The following SIGIRR variants were observed in gnomAD, a reference collection of about 807,000 sequenced individuals.
SIGIRR encodes the protein single Ig IL-1-related receptor.
A neutral mutation model predicts 45.6 loss-of-function variants in SIGIRR; 41 were observed. The ratio of observed to expected loss-of-function variants is 0.90; its 90% confidence interval spans 0.70 to 1.17. The LOEUF (loss-of-function observed/expected upper bound fraction) is 1.17, where lower values mean the gene tolerates loss of function less well. SIGIRR is among the 50% of genes most tolerant of loss of function. SIGIRR has a pLI of 0.00. For missense variants in SIGIRR, 599 were observed against 539.6 expected (o/e 1.11, Z -1.09); for synonymous variants, 298 against 239.0 (o/e 1.25, Z -2.28).
chr11:408,631 G>A (rs545668397), intron 3 of SIGIRR, 64 bp downstream of exon 3: 3 of 1,585,030 alleles, frequency 1.9e-6, no homozygotes, highest in Middle Eastern at 4.0e-4. Context: ...GCATAGGTCA[G>A]GGAGACCACT....
At position 407,414 on chromosome 11, in the gene SIGIRR, GC is replaced by G; in HGVS notation, c.625+10del. On this transcript the variant is annotated intron_variant, in intron 6 of 9. Transcript: ENST00000431843. Reference sequence around the variant, plus strand: ...CCGGGTGGGCGGGGCACGGGGTGGGGCCCGGGATACCAGCGCGCGGCAGGAG... The same window carrying G: ...CCGGGTGGGCGGGGCACGGGGTGGGGCCGGGATACCAGCGCGCGGCAGGAG... The G allele has an allele frequency of 6.5e-7, 1 of 1,535,804 alleles. No individual in the cohort carries two copies.
At position 412,728 on chromosome 11, in the gene SIGIRR, G is replaced by T. The variant is rs961628498; in HGVS notation, c.-154+2095C>A. Among the ~76,000 whole-genome samples the T allele has an allele frequency of 3.5e-5, 5 of 143,342 alleles. No individual in the cohort carries two copies. The South Asian group carries it at 9.2e-4, about 26-fold the overall frequency. 94.0% of individuals were successfully genotyped at this position (143,342 alleles called of 152,430 possible). On this transcript the variant is annotated intron_variant, in intron 1 of 9. Transcript: ENST00000431843. ...TCTAACCATGTCTGGATGCAGTCGA[G>T]GGGGGGTGCCCAGCTCTGGCCCACG...
chr11:405,720 A>C lies in SIGIRR; in HGVS notation c.*176T>G. ...GGGAGGAGACCGAGGCCCCAGCAGA[A>C]TCCAAAAGGACTTTATTTTCTGGCA... On this transcript the variant is annotated 3_prime_UTR_variant, in exon 10 of 10. Transcript: ENST00000431843. The C allele has an allele frequency of 4.2e-6, 3 of 711,282 alleles. No individual in the cohort carries two copies. In the South Asian group the frequency reaches 6.9e-5, roughly 16 times the overall value. 44.1% of individuals were successfully genotyped at this position (711,282 alleles called of 1,614,324 possible).
Position 406,969 on chromosome 11 carries a change from C to T in SIGIRR, c.753G>A (p.Glu251=). 6.2e-7 allele frequency: 1 copy of T among 1,601,144 alleles called. No homozygotes were observed. The highest frequency in any genetic ancestry group is 1.1e-5 in the South Asian group (1 of 90,324). ...TGATGAAGATGGGTCTGCGGGTGAG[C>T]TCCAGCAGCCGGCACAGGCCCTCCC... ...SFREGLCRLL[E]LTRRPIFITF... Residue 251 remains glutamate (E), a synonymous_variant, in exon 8 of 10, where the codon GAG becomes GAA. Coordinates refer to ENST00000431843, the MANE Select transcript of SIGIRR (RefSeq NM_001135054.2).
At chr11:415,262 C>T (rs1225424148), upstream of SIGIRR, among the ~76,000 whole-genome samples, 3 of 134,472 alleles carry the variant, frequency 2.2e-5, no homozygotes, top group Admixed American at 7.5e-5. This position sits in a 1 kb window ranked among gnomAD's most constrained non-coding sequence, Gnocchi z 6.6. Flanking sequence ...AGTGTGTCTG[C>T]GTGTGTGCAA....
In SIGIRR at chr11:405,953, C is replaced by T. The variant is rs745974362; in HGVS notation, c.1176G>A (p.Ser392=). 9.8e-5 allele frequency: 156 copies of T among 1,587,394 alleles called. No individual in the cohort carries two copies. Among genetic ancestry groups the T allele is most frequent in the Non-Finnish European group, 1.2e-4 (143 of 1,170,744 alleles). ...AGTCTGTGCGGGCACTGTAGTTTCG[C>T]GAGCCGAGATCCGAGACGTCCACTT... ...SSEVDVSDLG[S]RNYSARTDFY... The change falls in exon 10 of 10, where the codon TCG becomes TCA. Residue 392 remains serine (S), a synonymous_variant. Transcript: ENST00000431843.
chr11:406,775 C>A, intron 8 of SIGIRR, 68 bp downstream of exon 8: 1 of 1,450,838 alleles, frequency 6.9e-7, no homozygotes, highest in South Asian at 1.4e-5. Context: ...GGGTCCCAGC[C>A]TGGAGCCCGG....
At chr11:413,685 C>T (rs187235211) in intron 1 of SIGIRR, among the ~76,000 whole-genome samples, 2 of 148,468 alleles carry the variant, frequency 1.3e-5, no homozygotes, top group Admixed American at 1.3e-4. Context: ...CTCCCCTGCA[C>T]CCTCTCCCTG....
intron 3 of SIGIRR, 50 bp from the exon 4 acceptor site, chr11:408,256 C>T (rs957145156): frequency 1.3e-6 from 2 of 1,591,716 alleles, no homozygotes; most frequent in Non-Finnish European, 8.5e-7. Flanking sequence ...CCAGTGGACA[C>T]CCCCGAACCC....
At position 405,860 on chromosome 11, in the gene SIGIRR, C is replaced by G. The variant is rs1156858180; in HGVS notation, c.*36G>C. ...AGGAGCGACGCCGCTGCCCTGGCCC[C>G]CGCTGTCCCTATGATCCTGCACTCT... On this transcript the variant is annotated 3_prime_UTR_variant, in exon 10 of 10. Transcript: ENST00000431843. 5.1e-6 allele frequency: 8 copies of G among 1,555,838 alleles called. No individual in the cohort carries two copies. The highest frequency in any genetic ancestry group is 7.0e-6 in the Non-Finnish European group (8 of 1,145,838).
intron 9 of SIGIRR, 54 bp downstream of exon 9, chr11:406,295 A>G: frequency 6.3e-7 from 1 of 1,586,374 alleles, no homozygotes; most frequent in Non-Finnish European, 8.6e-7. Context: ...GCCTGCCCCC[A>G]CTCCGCCCTG....
chr11:408,342 G>A, intron 3 of SIGIRR, 136 bp from the exon 4 acceptor site: 2 of 1,199,582 alleles, frequency 1.7e-6, no homozygotes, highest in Non-Finnish European at 2.3e-6. Flanking sequence ...GCCAAGAGAA[G>A]TGACCTGAAC....
At position 406,424 on chromosome 11, in the gene SIGIRR, G is replaced by A; in HGVS notation, c.994C>T (p.Leu332=). 6.2e-7 allele frequency: 1 copy of A among 1,612,766 alleles called. No individual in the cohort carries two copies. The highest frequency in any genetic ancestry group is 8.5e-7 in the Non-Finnish European group (1 of 1,179,918). The change falls in exon 9 of 10, where the codon CTG becomes TTG. Residue 332 remains leucine, a synonymous_variant. Coordinates refer to ENST00000431843, the MANE Select transcript of SIGIRR (RefSeq NM_001135054.2). Reference sequence around the variant, plus strand: ...TCAGGGACTCGGCCTCGAAGAATCAGCATGGGGTCCTTGTCGTCCTGCAGC... The same window carrying A: ...TCAGGGACTCGGCCTCGAAGAATCAACATGGGGTCCTTGTCGTCCTGCAGC... The part of the protein sequence containing the change: ...TQLQDDKDPM[L]ILRGRVPEGR...
chr11:406,333 G>A lies in SIGIRR; in HGVS notation c.1069+16C>T. The A allele has an allele frequency of 6.2e-7, 1 of 1,611,098 alleles. No individual in the cohort carries two copies. The highest frequency in any genetic ancestry group is 8.5e-7 in the Non-Finnish European group (1 of 1,179,292). ...CTGAGCTTCTCCAGTTGGGGAGTGG[G>A]GCTGGGCGGGCATACCCAGGTCGCC... is the stretch of plus-strand genomic sequence containing the variant. On this transcript the variant is annotated intron_variant, in intron 9 of 9. Coordinates refer to ENST00000431843, the MANE Select transcript of SIGIRR (RefSeq NM_001135054.2).
chr11:409,591 T>A, intron 2 of SIGIRR: 1 of 418,410 alleles, frequency 2.4e-6, no homozygotes, highest in Non-Finnish European at 4.2e-6. Context: ...CACACCCTGC[T>A]GTGGGCCCCA....
Position 407,125 on chromosome 11 carries a change from C to G in SIGIRR, c.665G>C (p.Arg222Pro). Residue 222 changes from arginine (R) to proline (P), a missense_variant, in exon 7 of 10, where the codon CGA (arginine) becomes CCA (proline). By Grantham distance (103) the Arg-to-Pro change is moderately radical. Coordinates refer to ENST00000431843, the MANE Select transcript of SIGIRR (RefSeq NM_001135054.2). ...GTCCGAAAGCACCACGATGAGGCGT[C>G]GGCAGCGGCTCAGGTTCACCAAGAG... The part of the protein sequence containing the change: ...ADLLVNLSRC[R>P]RLIVVLSDAF... 6.4e-7 allele frequency: 1 copy of G among 1,554,236 alleles called. No individual in the cohort carries two copies. Among genetic ancestry groups the G allele is most frequent in the Non-Finnish European group, 8.6e-7 (1 of 1,157,138 alleles).
chr11:415,849 A>T (rs1340301322), upstream of SIGIRR, among the ~76,000 whole-genome samples: 1 of 152,204 alleles, frequency 6.6e-6, no homozygotes, highest in Non-Finnish European at 1.5e-5. This position sits in a 1 kb window ranked among gnomAD's most constrained non-coding sequence, Gnocchi z 6.6. Flanking sequence ...TATTGCCCAC[A>T]GAATCAGACA....
In SIGIRR at chr11:407,115, G is replaced by GCTT; in HGVS notation, c.674_675insAAG (p.Ile225_Val226insSer). 6.5e-7 allele frequency: 1 copy of GCTT among 1,544,494 alleles called. No individual in the cohort carries two copies. The highest frequency in any genetic ancestry group is 8.7e-7 in the Non-Finnish European group (1 of 1,151,178). On this transcript the variant is annotated inframe_insertion, in exon 7 of 10. Coordinates refer to ENST00000431843, the MANE Select transcript of SIGIRR (RefSeq NM_001135054.2). ...TCAGGAAGGCGTCCGAAAGCACCAC[G>GCTT]ATGAGGCGTCGGCAGCGGCTCAGGT...
At chr11:415,325 T>G, upstream of SIGIRR, among the ~76,000 whole-genome samples, 2 of 131,562 alleles carry the variant, frequency 1.5e-5, no homozygotes, top group Admixed American at 7.4e-5. The surrounding 1 kb of genome is among the most constrained non-coding windows in gnomAD (Gnocchi z 6.6). Context: ...GTGTGTGTTG[T>G]GGGGTGGGGG....
Sources: allele counts gnomAD v4.1 joint callset (sites outside exome capture counted in the v4.1 genomes callset), GRCh38; gene constraint gnomAD v4.1.1; non-coding constraint Gnocchi (gnomAD v3.1); transcripts MANE v1.5; gene names NCBI Gene and HGNC (gene_info 2026-07-23, HGNC 2026-07-21).